CDH4: variants seen among roughly 807,000 people sequenced by gnomAD.
CDH4 encodes the protein cadherin-4.
A neutral mutation model predicts 86.0 loss-of-function variants in CDH4; 33 were observed. The observed-to-expected ratio is 0.38, with a 90% CI of 0.29 to 0.51. The LOEUF (loss-of-function observed/expected upper bound fraction) is 0.51. Among genes scored for constraint, CDH4 ranks in the 20% least tolerant of loss-of-function variants. The probability of loss-of-function intolerance (pLI) is 0.86; values close to 1 mark genes in which losing one functional copy is unlikely to be tolerated. For synonymous variants in CDH4, 555 were observed against 549.4 expected (o/e 1.01, Z -0.14); for missense variants, 1,114 against 1,307.4 (o/e 0.85, Z 2.28).
intron 4 of CDH4, among the ~76,000 whole-genome samples, chr20:61,795,768 G>A (rs1182510754): frequency 1.3e-5 from 2 of 152,158 alleles, no homozygotes; most frequent in Non-Finnish European, 1.5e-5. Flanking sequence ...GAGCCACTGG[G>A]CTGGAGTTTC....
chr20:61,770,248 C>A (rs2088758466), intron 3 of CDH4, among the ~76,000 whole-genome samples: 1 of 152,200 alleles, frequency 6.6e-6, no homozygotes, highest in African/African-American at 2.4e-5. Context: ...GGGAGCGCCC[C>A]ATGGAAGCCT....
chr20:61,906,166 G>A (rs555808199), intron 8 of CDH4, among the ~76,000 whole-genome samples: 2 of 152,206 alleles, frequency 1.3e-5, no homozygotes, highest in African/African-American at 2.4e-5. Context: ...GGGGCCTCAG[G>A]GGTGGAGAAC....
chr20:61,364,724 G>T (rs530253210), intron 2 of CDH4, among the ~76,000 whole-genome samples: 1 of 152,328 alleles, frequency 6.6e-6, no homozygotes, highest in African/African-American at 2.4e-5. Context: ...TGCTTCTAGT[G>T]GATGAACATT....
intron 2 of CDH4, chr20:61,436,941 C>G (rs1340174286): frequency 6.6e-6 from 1 of 152,520 alleles, no homozygotes; most frequent in Non-Finnish European, 1.5e-5. Context: ...CTCTTGTCTG[C>G]TCTGCCTGCA....
chr20:61,843,003 G>A (rs777280985), intron 4 of CDH4, among the ~76,000 whole-genome samples: 11 of 152,066 alleles, frequency 7.2e-5, no homozygotes, highest in South Asian at 2.1e-4. Flanking sequence ...TGGTTATTTC[G>A]CAGTGTCATT....
At chr20:61,665,063 C>T (rs976568721) in intron 2 of CDH4, among the ~76,000 whole-genome samples, 2 of 152,238 alleles carry the variant, frequency 1.3e-5, no homozygotes, top group South Asian at 2.1e-4. Flanking sequence ...CACGTGGGGA[C>T]GTCGCTGGCA....
intron 2 of CDH4, among the ~76,000 whole-genome samples, chr20:61,318,496 A>T (rs2084490146): frequency 6.6e-6 from 1 of 152,176 alleles, no homozygotes; most frequent in Non-Finnish European, 1.5e-5. Flanking sequence ...GGACTCTCCT[A>T]AGAAAACCTT....
intron 2 of CDH4, among the ~76,000 whole-genome samples, chr20:61,604,068 C>G (rs564430871): frequency 6.6e-6 from 1 of 152,206 alleles, no homozygotes. Context: ...CCGAGCCTCC[C>G]CTTACCCACA....
chr20:61,700,356 G>A (rs1048686064), intron 2 of CDH4, among the ~76,000 whole-genome samples: 3 of 152,196 alleles, frequency 2.0e-5, no homozygotes, highest in African/African-American at 7.2e-5. Flanking sequence ...GGCTGGTCAC[G>A]TCTCCTGCAT....
At chr20:61,504,600 T>C (rs913443077) in intron 2 of CDH4, among the ~76,000 whole-genome samples, 10 of 152,276 alleles carry the variant, frequency 6.6e-5, no homozygotes, top group African/African-American at 2.4e-4. Flanking sequence ...CGCAGACACG[T>C]GTGGTGGCTG....
At chr20:61,770,699 C>T (rs1158691673) in intron 3 of CDH4, among the ~76,000 whole-genome samples, 17 of 152,058 alleles carry the variant, frequency 1.1e-4, no homozygotes, top group African/African-American at 3.9e-4. Flanking sequence ...CTGGCTAACA[C>T]GGTAAAACCC....
At chr20:61,499,405 C>T in intron 2 of CDH4, 2 of 1,252,354 alleles carry the variant, frequency 1.6e-6, no homozygotes, top group Non-Finnish European at 2.1e-6. Flanking sequence ...GACTGGGGTG[C>T]AGGTGTGCCT....
intron 2 of CDH4, among the ~76,000 whole-genome samples, chr20:61,341,285 C>T (rs1242376049): frequency 6.6e-6 from 1 of 152,176 alleles, no homozygotes; most frequent in Non-Finnish European, 1.5e-5. Flanking sequence ...GTGCTTAGCA[C>T]AAAATGGGGC....
At chr20:61,593,850 G>A (rs1215540968) in intron 2 of CDH4, among the ~76,000 whole-genome samples, 3 of 151,398 alleles carry the variant, frequency 2.0e-5, no homozygotes, top group African/African-American at 7.3e-5. Context: ...TCGTTGAGGT[G>A]CGTGCTGCTC....
chr20:61,637,495 C>T (rs2086959598), intron 2 of CDH4, among the ~76,000 whole-genome samples: 1 of 152,242 alleles, frequency 6.6e-6, no homozygotes, highest in Admixed American at 6.5e-5. Context: ...CTCTTTCTCA[C>T]CCCTGTGTCT....
At chr20:61,468,867 T>A (rs1372357127) in intron 2 of CDH4, among the ~76,000 whole-genome samples, 16 of 152,198 alleles carry the variant, frequency 1.1e-4, no homozygotes, top group Non-Finnish European at 2.4e-4. Flanking sequence ...GTTCTATCCA[T>A]CTTATTTCAG....
chr20:61,533,753 G>A lies in CDH4; in HGVS notation c.170-209810G>A, dbSNP rs950054921. On this transcript the variant is annotated intron_variant, in intron 2 of 15. Coordinates refer to ENST00000614565, the MANE Select transcript of CDH4 (RefSeq NM_001794.5). ...ATAGATGGGGTGAGGGCGTGGCCAT[G>A]GGGAGCATGGGCTCTGCAGACCTCG... Among the ~76,000 whole-genome samples, 151 of 152,372 alleles carry A rather than the reference G, an allele frequency of 9.9e-4. 1 individual carries two copies. Among genetic ancestry groups the A allele is most frequent in the Non-Finnish European group, 1.4e-3 (94 of 68,034 alleles).
chr20:61,743,541 C>G, intron 2 of CDH4, 22 bp from the exon 3 acceptor site: 2 of 1,545,738 alleles, frequency 1.3e-6, no homozygotes, highest in African/African-American at 1.4e-5. Context: ...CCGACCCTGA[C>G]TCTCTCCCCC....
rs534396040 is a variant in CDH4, at chr20:61,722,398, A to G, written c.170-21165A>G. 8.5e-4 allele frequency among the ~76,000 whole-genome samples: 130 copies of G among 152,314 alleles called. 3 individuals carry two copies. Among genetic ancestry groups the G allele is most frequent in the Non-Finnish European group, 2.2e-4 (15 of 68,018 alleles). On this transcript the variant is annotated intron_variant, in intron 2 of 15. Transcript: ENST00000614565. ...CATATCCTTGGCACAGAGCCCACTCATCCTTCCAGAAGTGAGGAAGGATTT... is the reference window on the plus strand; with the variant it reads ...CATATCCTTGGCACAGAGCCCACTCGTCCTTCCAGAAGTGAGGAAGGATTT...
Sources: allele counts gnomAD v4.1 joint callset (sites outside exome capture counted in the v4.1 genomes callset), GRCh38; gene constraint gnomAD v4.1.1; transcripts MANE v1.5; gene names NCBI Gene and HGNC (gene_info 2026-07-23, HGNC 2026-07-21).